The following CD2AP variants were observed in gnomAD, a reference collection of about 807,000 sequenced individuals.
The protein encoded by CD2AP is CD2 associated protein, also known as CD2-associated protein.
A neutral mutation model predicts 85.1 loss-of-function variants in CD2AP; 46 were observed. That is an observed-to-expected ratio of 0.54 (90% CI 0.43 to 0.69). The LOEUF is 0.69. CD2AP is among the 30% of genes least tolerant of loss of function. The pLI, the probability that CD2AP is intolerant of heterozygous loss-of-function variation, is 0.00. For missense variants in CD2AP, 769 were observed against 729.5 expected, an observed-to-expected ratio of 1.05 and a Z score of -0.62; for synonymous variants, 255 against 252.9, an observed-to-expected ratio of 1.01 and a Z score of -0.08.
chr6:47,618,773 G>T (rs911998869), intron 17 of CD2AP, among the ~76,000 whole-genome samples: 1 of 151,962 alleles, frequency 6.6e-6, no homozygotes, highest in African/African-American at 2.4e-5. Context: ...TTCTCTTTTG[G>T]ATAATTCAGT....
Position 47,527,758 on chromosome 6 carries a change from A to T in CD2AP, c.166-5844A>T, listed in dbSNP as rs908005209. 3.7e-4 allele frequency among the ~76,000 whole-genome samples: 56 copies of T among 152,252 alleles called. 1 individual carries two copies. The East Asian group carries it at 9.5e-3, about 26-fold the overall frequency. ...TTAGTTGTTTGTCCCCAACCAGAGA[A>T]AGTACTAGATACTGCTTGTGCCAGT... On this transcript the variant is annotated intron_variant, in intron 2 of 17. Transcript: ENST00000359314.
intron 5 of CD2AP, 149 bp downstream of exon 5, chr6:47,554,915 G>T: frequency 1.6e-6 from 1 of 627,146 alleles, no homozygotes; most frequent in South Asian, 2.4e-5. Context: ...ATTATGATGG[G>T]GACCTAACTG....
chr6:47,527,984 G>T (rs940618655), intron 2 of CD2AP, among the ~76,000 whole-genome samples: 6 of 152,164 alleles, frequency 3.9e-5, no homozygotes, highest in African/African-American at 1.4e-4. Flanking sequence ...TGGGTAGCAT[G>T]TATTTTTAAT....
At chr6:47,528,909 T>C (rs1299540973) in intron 2 of CD2AP, among the ~76,000 whole-genome samples, 107 of 152,212 alleles carry the variant, frequency 7.0e-4, no homozygotes, top group Non-Finnish European at 5.9e-5. Context: ...ATGACAGTCT[T>C]AGGCATCTTT....
chr6:47,573,346 T>G (rs1768206740), intron 5 of CD2AP, among the ~76,000 whole-genome samples: 1 of 152,126 alleles, frequency 6.6e-6, no homozygotes, highest in Non-Finnish European at 1.5e-5. Flanking sequence ...TTTTGAACAT[T>G]CCCAGTTTTA....
chr6:47,599,386 C>T lies in CD2AP; in HGVS notation c.1360C>T (p.Leu454Phe). Residue 454 changes from leucine (L) to phenylalanine (F), a missense_variant, in exon 13 of 18, where the codon CTT becomes TTT. By Grantham distance (22) the Leu-to-Phe change is conservative (BLOSUM62 0). Transcript: ENST00000359314. ...KLKLDSEQLP[L>F]RPKSVDFDSL... ...AAAGCTAGATTCTGAACAGCTGCCC[C>T]TTAGACCAAAATCAGTAGACTTTGA... 1 of 1,612,296 alleles carries T rather than the reference C, an allele frequency of 6.2e-7. No individual in the cohort carries two copies.
At chr6:47,502,493 GTTTT>G (rs370906372) in intron 1 of CD2AP, among the ~76,000 whole-genome samples, 32 of 129,460 alleles carry the variant, frequency 2.5e-4, no homozygotes, top group African/African-American at 9.1e-4. Context: ...GAACTCCTGA[GTTTT>G]TTTTTTTTTT....
At chr6:47,553,613 G>C (rs1767591553) in intron 4 of CD2AP, among the ~76,000 whole-genome samples, 1 of 148,704 alleles carries the variant, frequency 6.7e-6, no homozygotes, top group Admixed American at 6.9e-5. Flanking sequence ...TGATCTGCCT[G>C]CCTTGGCCTT....
intron 4 of CD2AP, among the ~76,000 whole-genome samples, chr6:47,548,058 C>A (rs1294171194): frequency 1.3e-5 from 2 of 151,966 alleles, no homozygotes; most frequent in Non-Finnish European, 2.9e-5. Context: ...TAACTTTTAA[C>A]TTAAAAGTCA....
intron 2 of CD2AP, among the ~76,000 whole-genome samples, chr6:47,520,132 A>G (rs1766547595): frequency 6.6e-6 from 1 of 151,950 alleles, no homozygotes; most frequent in South Asian, 2.1e-4. Flanking sequence ...GAAAAAAGGT[A>G]GTTCATTTTA....
At chr6:47,554,555 C>G in intron 4 of CD2AP, 91 bp from the exon 5 acceptor site, 1 of 1,306,452 alleles carries the variant, frequency 7.7e-7, no homozygotes, top group East Asian at 2.3e-5. Context: ...TAATTTTGTG[C>G]CTGTTTGCTT....
At position 47,624,201 on chromosome 6, in the gene CD2AP, C is replaced by G; in HGVS notation, c.1894C>G (p.Leu632Val). 6.2e-7 allele frequency: 1 copy of G among 1,611,832 alleles called. No homozygotes were observed. ...RSNLEMEIEK[L>V]KKAVLSS ...TTTGTTTTAGATGGAAATAGAGAAGCTGAAAAAAGCTGTCCTGTCTTCTTG... is the reference window on the plus strand; with the variant it reads ...TTTGTTTTAGATGGAAATAGAGAAGGTGAAAAAAGCTGTCCTGTCTTCTTG... The change falls in exon 18 of 18, where the codon CTG becomes GTG. Residue 632 changes from leucine to valine, a missense_variant. Transcript: ENST00000359314.
Position 47,622,201 on chromosome 6 carries a change from C to G in CD2AP, c.1879-1985C>G, listed in dbSNP as rs114971028. On this transcript the variant is annotated intron_variant, in intron 17 of 17. Coordinates refer to ENST00000359314, the MANE Select transcript of CD2AP (RefSeq NM_012120.3). The stretch of plus-strand genomic sequence containing the variant: ...CAGTCTTAATCCCACCGTGCCTCCC[C>G]CAACAGCCCTGTTTCCAGACAGTGG... 6.0e-3 allele frequency among the ~76,000 whole-genome samples: 908 copies of G among 152,258 alleles called. 7 individuals are homozygous for G. Among genetic ancestry groups the G allele is most frequent in the South Asian group, 0.031 (149 of 4,816 alleles).
At chr6:47,479,740 G>A (rs965146344) in intron 1 of CD2AP, among the ~76,000 whole-genome samples, 4 of 152,044 alleles carry the variant, frequency 2.6e-5, no homozygotes, top group African/African-American at 9.7e-5. Flanking sequence ...ATGACCTGGG[G>A]ATGCAGTCTT....
chr6:47,599,975 GTTTTTT>G (rs146768764), intron 13 of CD2AP, among the ~76,000 whole-genome samples: 1 of 146,600 alleles, frequency 6.8e-6, no homozygotes, highest in Non-Finnish European at 1.5e-5. Flanking sequence ...TGTACTTCCT[GTTTTTT>G]TTTTAATACC....
At chr6:47,521,587 CTGT>C (rs969310676) in intron 2 of CD2AP, among the ~76,000 whole-genome samples, 12 of 152,118 alleles carry the variant, frequency 7.9e-5, no homozygotes, top group African/African-American at 2.9e-4. Context: ...TGTTTTTAAG[CTGT>C]TGTTATTAAG....
At chr6:47,489,879 G>A (rs1765679852) in intron 1 of CD2AP, among the ~76,000 whole-genome samples, 1 of 151,802 alleles carries the variant, frequency 6.6e-6, no homozygotes, top group Admixed American at 6.6e-5. Flanking sequence ...CTCTCCTAGT[G>A]TGGTTTAAAA....
At chr6:47,613,335 T>C (rs1246154142) in intron 17 of CD2AP, among the ~76,000 whole-genome samples, 1 of 152,132 alleles carries the variant, frequency 6.6e-6, no homozygotes, top group Non-Finnish European at 1.5e-5. Context: ...TTCCAAAATG[T>C]GTATCTTAAA....
intron 1 of CD2AP, among the ~76,000 whole-genome samples, chr6:47,491,216 C>T (rs528392909): frequency 6.6e-6 from 1 of 150,838 alleles, no homozygotes; most frequent in South Asian, 2.1e-4. Flanking sequence ...AATACTTAGC[C>T]CTGGGAATAA....
Sources: allele counts gnomAD v4.1 joint callset (sites outside exome capture counted in the v4.1 genomes callset), GRCh38; gene constraint gnomAD v4.1.1; transcripts MANE v1.5; gene names NCBI Gene and HGNC (gene_info 2026-07-23, HGNC 2026-07-21).